The following DDX10 variants were observed in gnomAD, a reference collection of about 807,000 sequenced individuals.
DDX10 encodes DEAD-box helicase 10, also known as probable ATP-dependent RNA helicase DDX10.
In DDX10, 74 loss-of-function variants were observed where a neutral mutation model predicts 104.3. That is an observed-to-expected ratio of 0.71 (90% confidence interval 0.59 to 0.86). The LOEUF (loss-of-function observed/expected upper bound fraction) is 0.86, where lower values mean the gene tolerates loss of function less well. Among genes scored for constraint, DDX10 ranks in the 40% least tolerant of loss-of-function variants. The pLI is 0.00. For missense variants in DDX10, 952 were observed against 1,040.0 expected, an observed-to-expected ratio of 0.92 and a Z score of 1.16; for synonymous variants, 351 against 353.4, an observed-to-expected ratio of 0.99 and a Z score of 0.08.
chr11:108,844,536 A>T (rs1321230531), intron 15 of DDX10, among the ~76,000 whole-genome samples: 2 of 152,220 alleles, frequency 1.3e-5, no homozygotes, highest in African/African-American at 2.4e-5. Context: ...ATGTTTTCTT[A>T]AGTGGCACAT....
At chr11:108,759,285 A>T (rs1047396260) in intron 13 of DDX10, among the ~76,000 whole-genome samples, 1 of 152,110 alleles carries the variant, frequency 6.6e-6, no homozygotes, top group African/African-American at 2.4e-5. Context: ...TATATGACCA[A>T]AACAAAATAA....
chr11:108,730,179 A>C (rs1034198957), intron 13 of DDX10: 1 of 152,192 alleles, frequency 6.6e-6, no homozygotes, highest in African/African-American at 2.4e-5. Context: ...TCAGTCAGTA[A>C]ATTCTGTGGT....
intron 13 of DDX10, among the ~76,000 whole-genome samples, chr11:108,729,511 G>A (rs574361747): frequency 2.0e-5 from 3 of 151,940 alleles, no homozygotes; most frequent in South Asian, 2.1e-4. Context: ...AGTGCAGCTC[G>A]ACTGAGCAAA....
At chr11:108,674,678 T>A (rs905927079) in intron 2 of DDX10, among the ~76,000 whole-genome samples, 2 of 152,072 alleles carry the variant, frequency 1.3e-5, no homozygotes, top group Non-Finnish European at 2.9e-5. Context: ...GCCTGGCTAA[T>A]TTTTAAAAAT....
intron 9 of DDX10, among the ~76,000 whole-genome samples, chr11:108,697,841 C>T (rs1047066265): frequency 2.0e-5 from 3 of 152,068 alleles, no homozygotes; most frequent in African/African-American, 4.8e-5. Flanking sequence ...GGAAAATAGA[C>T]ATCAGATATT....
chr11:108,876,015 G>A (rs998413264), intron 16 of DDX10, among the ~76,000 whole-genome samples: 1 of 152,156 alleles, frequency 6.6e-6, no homozygotes, highest in Non-Finnish European at 1.5e-5. Flanking sequence ...GAACCTTGGA[G>A]AATATTATAT....
At chr11:108,920,590 TA>T (rs1187679443) in intron 17 of DDX10, 1 of 152,174 alleles carries the variant, frequency 6.6e-6, no homozygotes, top group Non-Finnish European at 1.5e-5. Flanking sequence ...GTGATCACAA[TA>T]AAAGTTAGGG....
At chr11:108,918,126 CT>C (rs760633276) in intron 17 of DDX10, 108 bp downstream of exon 17, 107 of 1,132,820 alleles carry the variant, frequency 9.4e-5, no homozygotes, top group Non-Finnish European at 1.1e-4. Flanking sequence ...ATGTTTGTTG[CT>C]TTTTTTTGAT....
chr11:108,860,236 T>A (rs117239345), intron 16 of DDX10, among the ~76,000 whole-genome samples: 30 of 152,340 alleles, frequency 2.0e-4, no homozygotes, highest in Non-Finnish European at 3.5e-4. Flanking sequence ...TACATATATA[T>A]TATCATAGCT....
At chr11:108,836,592 T>C (rs1353996235) in intron 13 of DDX10, among the ~76,000 whole-genome samples, 3 of 152,168 alleles carry the variant, frequency 2.0e-5, no homozygotes, top group Non-Finnish European at 4.4e-5. Flanking sequence ...GTTTAAGCGA[T>C]TGTCATGCCT....
At chr11:108,787,740 C>T (rs1861814928) in intron 13 of DDX10, among the ~76,000 whole-genome samples, 2 of 151,948 alleles carry the variant, frequency 1.3e-5, no homozygotes, top group African/African-American at 2.4e-5. Context: ...TCAAGACTAG[C>T]TTCACCATGG....
At chr11:108,900,305 A>G (rs1468519533) in intron 16 of DDX10, among the ~76,000 whole-genome samples, 1 of 152,168 alleles carries the variant, frequency 6.6e-6, no homozygotes, top group Non-Finnish European at 1.5e-5. Flanking sequence ...GGTCTCAGGT[A>G]TTTCTTTATA....
intron 13 of DDX10, among the ~76,000 whole-genome samples, chr11:108,772,805 A>G (rs979694541): frequency 4.6e-5 from 7 of 152,314 alleles, no homozygotes; most frequent in African/African-American, 1.7e-4. Flanking sequence ...TGAGGGATCT[A>G]GGTTGCACAT....
At chr11:108,874,652 G>A (rs997676087) in intron 16 of DDX10, among the ~76,000 whole-genome samples, 2 of 151,926 alleles carry the variant, frequency 1.3e-5, no homozygotes, top group African/African-American at 4.8e-5. Context: ...GACTACAAGT[G>A]ACAGTTGCTT....
At chr11:108,934,817 A>G (rs1591132119) in intron 17 of DDX10, among the ~76,000 whole-genome samples, 2 of 152,302 alleles carry the variant, frequency 1.3e-5, no homozygotes, top group South Asian at 4.1e-4. Context: ...AAAATTTAGA[A>G]CACTGGAACT....
At chr11:108,823,835 C>T (rs981163062) in intron 13 of DDX10, among the ~76,000 whole-genome samples, 2 of 152,176 alleles carry the variant, frequency 1.3e-5, no homozygotes, top group African/African-American at 4.8e-5. Context: ...AATTCTCAGT[C>T]AAATGTACAA....
chr11:108,914,332 A>C (rs1863717325), intron 16 of DDX10, among the ~76,000 whole-genome samples: 1 of 152,230 alleles, frequency 6.6e-6, no homozygotes, highest in Admixed American at 6.5e-5. Context: ...GTCAGAGTGC[A>C]GATCTCAAAG....
At chr11:108,798,320 T>C (rs1861974007) in intron 13 of DDX10, among the ~76,000 whole-genome samples, 1 of 152,256 alleles carries the variant, frequency 6.6e-6, no homozygotes. Flanking sequence ...AAATTTACCT[T>C]CTTAACCATC....
At chr11:108,832,692 T>A (rs1862488966) in intron 13 of DDX10, among the ~76,000 whole-genome samples, 1 of 152,204 alleles carries the variant, frequency 6.6e-6, no homozygotes, top group Admixed American at 6.5e-5. Context: ...TCCTTATAAA[T>A]CTTTGGTGGG....
Sources: gnomAD v4.1 joint callset for allele counts (sites outside exome capture counted in the v4.1 genomes callset) on GRCh38, gnomAD v4.1.1 for gene constraint, MANE v1.5 for transcripts, NCBI Gene and HGNC (gene_info 2026-07-23, HGNC 2026-07-21) for gene names.